Variants in KLHL3 observed in about 807,000 individuals in gnomAD.
KLHL3 encodes the protein kelch-like protein 3.
In KLHL3, 19 loss-of-function variants were observed where a neutral mutation model predicts 70.5. The ratio of observed to expected loss-of-function variants is 0.27; its 90% CI spans 0.19 to 0.40. The LOEUF is 0.40. Among genes scored for constraint, KLHL3 ranks in the 10% least tolerant of loss-of-function variants. KLHL3 has a pLI of 1.00. For synonymous variants in KLHL3, 258 were observed against 290.3 expected (o/e 0.89, Z 1.13); for missense variants, 512 against 771.1 (o/e 0.66, Z 3.98).
intron 5 of KLHL3, among the ~76,000 whole-genome samples, chr5:137,681,073 G>A (rs1430316647): frequency 6.6e-6 from 1 of 152,118 alleles, no homozygotes; most frequent in Non-Finnish European, 1.5e-5. Context: ...CTGTGGACCT[G>A]CAAGATCTTA....
intron 3 of KLHL3, among the ~76,000 whole-genome samples, chr5:137,699,982 T>G (rs532520336): frequency 6.6e-6 from 1 of 152,292 alleles, no homozygotes; most frequent in East Asian, 1.9e-4. Context: ...GAGAGAAAAG[T>G]AGCGGGGGAG....
At chr5:137,723,087 T>G (rs1753028072) in intron 1 of KLHL3, among the ~76,000 whole-genome samples, 1 of 152,246 alleles carries the variant, frequency 6.6e-6, no homozygotes, top group Non-Finnish European at 1.5e-5. Context: ...GGTCACATAT[T>G]AAAGTTCCAG....
chr5:137,734,900 T>C (rs559319507), intron 1 of KLHL3, among the ~76,000 whole-genome samples: 1 of 152,366 alleles, frequency 6.6e-6, no homozygotes, highest in Non-Finnish European at 1.5e-5. Context: ...TAGATGTGTG[T>C]GCCTGCCAGG....
At chr5:137,638,148 T>C (rs1365694061) in intron 10 of KLHL3, among the ~76,000 whole-genome samples, 1 of 152,160 alleles carries the variant, frequency 6.6e-6, no homozygotes, top group African/African-American at 2.4e-5. Flanking sequence ...AAAGAAACAA[T>C]GCACCACTAC....
rs2074348 is a variant in KLHL3 at position 137,639,998 on chromosome 5, G to T, written c.904-21C>A. 1 of 1,604,198 alleles carries T rather than the reference G, an allele frequency of 6.2e-7. No homozygotes were observed. Among genetic ancestry groups the T allele is most frequent in the South Asian group, 1.1e-5 (1 of 90,824 alleles). On this transcript the variant is annotated intron_variant, in intron 8 of 14. Coordinates refer to ENST00000309755, the MANE Select transcript of KLHL3 (RefSeq NM_017415.3). This position sits in a 1 kb window ranked among gnomAD's most constrained non-coding sequence, Gnocchi z 5.0. ...ATGACCTCCGGAGAGACAAGTGGACGTTAGCGGGGTCACCCCAAAATCTGG... is the reference window on the plus strand; with the variant it reads ...ATGACCTCCGGAGAGACAAGTGGACTTTAGCGGGGTCACCCCAAAATCTGG...
At chr5:137,682,204 C>CT (rs1205057494) in intron 5 of KLHL3, among the ~76,000 whole-genome samples, 1 of 149,580 alleles carries the variant, frequency 6.7e-6, no homozygotes, top group Non-Finnish European at 1.5e-5. Flanking sequence ...CCCAGAAACT[C>CT]TAAGACAGGT....
intron 6 of KLHL3, among the ~76,000 whole-genome samples, chr5:137,663,453 C>T (rs990591363): frequency 6.6e-6 from 1 of 151,870 alleles, no homozygotes; most frequent in Admixed American, 6.6e-5. Flanking sequence ...ATAACCTCCG[C>T]ACATCCTCCC....
intron 4 of KLHL3, among the ~76,000 whole-genome samples, chr5:137,697,175 C>G (rs1041406844): frequency 1.0e-4 from 13 of 130,642 alleles, no homozygotes; most frequent in Non-Finnish European, 2.0e-4. Flanking sequence ...TTTTTTTTTT[C>G]TTTTTGGAGA....
intron 13 of KLHL3, among the ~76,000 whole-genome samples, chr5:137,626,305 G>A (rs1023219566): frequency 6.6e-6 from 1 of 152,160 alleles, no homozygotes; most frequent in Non-Finnish European, 1.5e-5. Flanking sequence ...CTCCTTCTCT[G>A]CTGCTAAGTT....
At chr5:137,709,656 T>C in intron 3 of KLHL3, 94 bp downstream of exon 3, 2 of 989,214 alleles carry the variant, frequency 2.0e-6, no homozygotes, top group Non-Finnish European at 3.2e-6. Flanking sequence ...AATGGCTTTC[T>C]CTTTCCTCCC....
At chr5:137,699,929 A>G (rs2967805) in intron 3 of KLHL3, among the ~76,000 whole-genome samples, 124,073 of 152,186 alleles carry the variant, frequency 0.82, 51,088 homozygotes, top group East Asian at 0.98. Flanking sequence ...CACCAATCCA[A>G]AGTCCCATCC....
intron 1 of KLHL3, among the ~76,000 whole-genome samples, chr5:137,731,938 T>C (rs1395497329): frequency 6.6e-6 from 1 of 152,152 alleles, no homozygotes; most frequent in Non-Finnish European, 1.5e-5. Flanking sequence ...ACCACCCATC[T>C]CCAGAATTAT....
At chr5:137,678,096 G>C (rs1004947901) in intron 5 of KLHL3, among the ~76,000 whole-genome samples, 4 of 152,132 alleles carry the variant, frequency 2.6e-5, no homozygotes, top group Non-Finnish European at 4.4e-5. Flanking sequence ...GAGGTCTCTG[G>C]GGGTTCTTAT....
intron 14 of KLHL3, among the ~76,000 whole-genome samples, chr5:137,622,998 C>T (rs1750355539): frequency 6.6e-6 from 1 of 152,246 alleles, no homozygotes; most frequent in African/African-American, 2.4e-5. Flanking sequence ...TGTTGCAACG[C>T]TGGCTTTGTT....
chr5:137,723,219 T>C (rs1753030775), intron 1 of KLHL3, among the ~76,000 whole-genome samples: 1 of 152,176 alleles, frequency 6.6e-6, no homozygotes, highest in South Asian at 2.1e-4. Flanking sequence ...ACAGGGAAAG[T>C]CCCCAGTCCT....
intron 5 of KLHL3, among the ~76,000 whole-genome samples, chr5:137,681,746 C>G (rs1752032058): frequency 6.6e-6 from 1 of 151,964 alleles, no homozygotes; most frequent in African/African-American, 2.4e-5. Context: ...GCTTCTTTTT[C>G]TTTAAGAGGG....
chr5:137,663,241 G>C (rs1282306750), intron 6 of KLHL3, among the ~76,000 whole-genome samples: 1 of 151,576 alleles, frequency 6.6e-6, no homozygotes, highest in East Asian at 1.9e-4. Flanking sequence ...ATTTTTAGTA[G>C]AGACGGGGTT....
At position 137,638,972 on chromosome 5, in the gene KLHL3, T is replaced by C. The variant is rs771983260; in HGVS notation, c.1200A>G (p.Gly400=). The part of the protein sequence containing the change: ...AVLNDLLYAV[G]GFDGSTGLAS... ...ACCTACCAGTACTGCCATCAAAGCCTCCCACTGCGTAGAGCAAGTCATTGA... is the reference window on the plus strand; with the variant it reads ...ACCTACCAGTACTGCCATCAAAGCCCCCCACTGCGTAGAGCAAGTCATTGA... Residue 400 remains glycine (G), a synonymous_variant, in exon 10 of 15, where the codon GGA becomes GGG. Coordinates refer to ENST00000309755, the MANE Select transcript of KLHL3 (RefSeq NM_017415.3). 6.2e-7 allele frequency: 1 copy of C among 1,614,082 alleles called. No homozygotes were observed. Among genetic ancestry groups the C allele is most frequent in the South Asian group, 1.1e-5 (1 of 91,064 alleles).
chr5:137,654,828 T>C (rs1387472110), intron 8 of KLHL3, among the ~76,000 whole-genome samples: 1 of 152,244 alleles, frequency 6.6e-6, no homozygotes, highest in African/African-American at 2.4e-5. Flanking sequence ...AGGATGGCTT[T>C]GACCTCCTGA....
Sources: gnomAD v4.1 joint callset for allele counts (sites outside exome capture counted in the v4.1 genomes callset) on GRCh38, gnomAD v4.1.1 for gene constraint, Gnocchi (gnomAD v3.1) non-coding constraint, MANE v1.5 for transcripts, NCBI Gene and HGNC (gene_info 2026-07-23, HGNC 2026-07-21) for gene names.